FCER1A: variants seen among roughly 807,000 people sequenced by gnomAD.
FCER1A encodes Fc epsilon receptor Ia, also known as high affinity immunoglobulin epsilon receptor subunit alpha.
FCER1A carries 24 observed loss-of-function variants against 23.6 expected under a neutral mutation model. That is an observed-to-expected ratio of 1.02 (90% CI 0.74 to 1.43). The LOEUF is 1.43. FCER1A is among the 40% of genes most tolerant of loss of function. The pLI, the probability that FCER1A is intolerant of heterozygous loss-of-function variation, is 0.00. For synonymous variants in FCER1A, 121 were observed against 108.8 expected, an observed-to-expected ratio of 1.11 and a Z score of -0.70; for missense variants, 318 against 294.5, an observed-to-expected ratio of 1.08 and a Z score of -0.58.
chr1:159,286,701 A>G (rs1280372173), upstream of FCER1A, among the ~76,000 whole-genome samples: 3 of 152,270 alleles, frequency 2.0e-5, no homozygotes, highest in African/African-American at 7.2e-5. Context: ...ACATTTAGTC[A>G]ATGGAATTAT....
At chr1:159,294,398 C>G (rs923209417) in intron 1 of FCER1A, among the ~76,000 whole-genome samples, 2 of 152,104 alleles carry the variant, frequency 1.3e-5, no homozygotes, top group Non-Finnish European at 2.9e-5. Flanking sequence ...CTTGTTCCAG[C>G]CTTTGTCTTG....
chr1:159,289,355 T>G (rs563286959), upstream of FCER1A, among the ~76,000 whole-genome samples: 37 of 152,300 alleles, frequency 2.4e-4, no homozygotes, highest in African/African-American at 8.9e-4. Flanking sequence ...ACTGTTATCT[T>G]CCTGAACTCC....
At chr1:159,299,330 T>C (rs952957714), upstream of FCER1A, among the ~76,000 whole-genome samples, 9 of 152,124 alleles carry the variant, frequency 5.9e-5, no homozygotes, top group South Asian at 1.9e-3. Context: ...ATTGATTTGG[T>C]TTTTCTGCTT....
chr1:159,292,058 A>T (rs1040722434), intron 1 of FCER1A, among the ~76,000 whole-genome samples: 5 of 152,084 alleles, frequency 3.3e-5, no homozygotes, highest in Non-Finnish European at 5.9e-5. Flanking sequence ...GGGTCTTCTG[A>T]TACTCATCTT....
At chr1:159,286,127 T>A (rs1269212979), upstream of FCER1A, among the ~76,000 whole-genome samples, 5 of 150,832 alleles carry the variant, frequency 3.3e-5, no homozygotes, top group Non-Finnish European at 7.4e-5. Context: ...GAGGCAGAGG[T>A]TGCAGTGACC....
At chr1:159,291,940 A>G (rs942695437) in intron 1 of FCER1A, among the ~76,000 whole-genome samples, 5 of 152,134 alleles carry the variant, frequency 3.3e-5, no homozygotes, top group African/African-American at 1.2e-4. Context: ...AACAAGATTC[A>G]ATGTAATTAA....
chr1:159,306,597 A>G (rs1166324867), intron 4 of FCER1A, among the ~76,000 whole-genome samples: 1 of 152,142 alleles, frequency 6.6e-6, no homozygotes, highest in Non-Finnish European at 1.5e-5. Flanking sequence ...GAACACTTAT[A>G]TTTATCAAAT....
chr1:159,300,501 C>T (rs533395277), upstream of FCER1A, among the ~76,000 whole-genome samples: 10 of 152,314 alleles, frequency 6.6e-5, no homozygotes, highest in South Asian at 1.9e-3. Context: ...CCTCCTCCTT[C>T]TCTTCTCCAA....
At chr1:159,296,989 A>G (rs1159993673) in intron 1 of FCER1A, among the ~76,000 whole-genome samples, 4 of 152,190 alleles carry the variant, frequency 2.6e-5, no homozygotes, top group East Asian at 1.9e-4. Context: ...AAAGTTGCCT[A>G]TTAAAATGCA....
At chr1:159,288,155 A>C (rs1162823553), upstream of FCER1A, among the ~76,000 whole-genome samples, 1 of 152,250 alleles carries the variant, frequency 6.6e-6, no homozygotes, top group South Asian at 2.1e-4. Context: ...AGTGAAAGCC[A>C]TATAGAAATG....
chr1:159,295,453 T>C (rs1652273528), intron 1 of FCER1A, among the ~76,000 whole-genome samples: 1 of 152,204 alleles, frequency 6.6e-6, no homozygotes, highest in South Asian at 2.1e-4. Context: ...TTTATATTCA[T>C]TTATTTATTA....
At chr1:159,289,232 C>T (rs1652088009), upstream of FCER1A, among the ~76,000 whole-genome samples, 3 of 152,306 alleles carry the variant, frequency 2.0e-5, no homozygotes, top group South Asian at 6.2e-4. Flanking sequence ...TACTGTAGAT[C>T]TTGAACTGTC....
At position 159,308,006 on chromosome 1, in the gene FCER1A, C is replaced by G. The variant is rs961351521; in HGVS notation, c.*74C>G. ...GCAATTGCTACTCAATTGTCAAACA[C>G]AGCTTGCAATATACATAGAAACGTC... On this transcript the variant is annotated 3_prime_UTR_variant, in exon 5 of 5. Transcript: ENST00000693622. 9.0e-7 allele frequency: 1 copy of G among 1,109,586 alleles called. No individual in the cohort carries two copies. Among genetic ancestry groups the G allele is most frequent in the Non-Finnish European group, 1.3e-6 (1 of 768,136 alleles). The allele number at this position is 1,109,586 out of a possible 1,614,324, so 68.7% of individuals were successfully genotyped here.
At chr1:159,283,618 T>G in the FCER1A span, among the ~76,000 whole-genome samples, 1 of 152,180 alleles carries the variant, frequency 6.6e-6, no homozygotes, top group Non-Finnish European at 1.5e-5. Context: ...TGAAAAAACC[T>G]TGTATTCAAG....
chr1:159,299,130 T>A (rs371297415), upstream of FCER1A, among the ~76,000 whole-genome samples: 3 of 152,200 alleles, frequency 2.0e-5, no homozygotes, highest in South Asian at 6.2e-4. Context: ...GAGTTGGTAG[T>A]AGGAGGAAAA....
intron 3 of FCER1A, among the ~76,000 whole-genome samples, chr1:159,304,407 CG>C (rs1652536583): frequency 6.6e-6 from 1 of 151,950 alleles, no homozygotes; most frequent in South Asian, 2.1e-4. Flanking sequence ...CGAGACCATC[CG>C]GCTAACATGG....
At chr1:159,307,132 C>T (rs574174802) in intron 4 of FCER1A, among the ~76,000 whole-genome samples, 3 of 152,188 alleles carry the variant, frequency 2.0e-5, no homozygotes, top group East Asian at 1.9e-4. Flanking sequence ...CCTGGGTATA[C>T]GTATTTTTCA....
chr1:159,307,915 A>C lies in FCER1A; in HGVS notation c.757A>C (p.Asn253His). The change falls in exon 5 of 5, where the codon AAC becomes CAC. Residue 253 changes from asparagine to histidine, a missense_variant. Asn to His is a moderately conservative substitution (Grantham distance 68). Coordinates refer to ENST00000693622, the MANE Select transcript of FCER1A (RefSeq NM_001387280.1). ...ACTTCTGAACCCACATCCTAAGCCAAACCCCAAAAACAACTGATATAATTA... is the reference window on the plus strand; with the variant it reads ...ACTTCTGAACCCACATCCTAAGCCACACCCCAAAAACAACTGATATAATTA... ...FRLLNPHPKP[N>H]PKNN 6.3e-7 allele frequency: 1 copy of C among 1,593,020 alleles called. No homozygotes were observed. The highest frequency in any genetic ancestry group is 1.3e-5 in the African/African-American group (1 of 74,482).
intron 1 of FCER1A, 95 bp downstream of exon 1, chr1:159,302,514 T>C: frequency 1.1e-6 from 1 of 898,132 alleles, no homozygotes; most frequent in Non-Finnish European, 1.9e-6. Context: ...TGACTTTTTC[T>C]AGGACATGTG....
Sources: gnomAD v4.1 joint callset for allele counts (sites outside exome capture counted in the v4.1 genomes callset) on GRCh38, gnomAD v4.1.1 for gene constraint, MANE v1.5 for transcripts, NCBI Gene and HGNC (gene_info 2026-07-23, HGNC 2026-07-21) for gene names.